SKAP1: variants seen among roughly 807,000 people sequenced by gnomAD.
SKAP1 encodes src kinase associated phosphoprotein 1.
A neutral mutation model predicts 58.5 loss-of-function variants in SKAP1; 44 were observed. The ratio of observed to expected loss-of-function variants is 0.75; its 90% CI spans 0.59 to 0.97. SKAP1 has a LOEUF of 0.97. SKAP1 is among the 50% of genes least tolerant of loss of function. The pLI is 0.00. For missense variants in SKAP1, 390 were observed against 435.2 expected (o/e 0.90, Z 0.92); for synonymous variants, 127 against 149.7 (o/e 0.85, Z 1.11).
intron 4 of SKAP1, among the ~76,000 whole-genome samples, chr17:48,231,047 T>C (rs1028882356): frequency 2.0e-5 from 3 of 152,116 alleles, no homozygotes; most frequent in African/African-American, 7.2e-5. Flanking sequence ...GGTTAAAGGA[T>C]AGATGCAGGC....
chr17:48,188,243 G>A (rs2064485545), intron 5 of SKAP1, among the ~76,000 whole-genome samples: 1 of 152,170 alleles, frequency 6.6e-6, no homozygotes, highest in South Asian at 2.1e-4. Flanking sequence ...ATATCTTTAT[G>A]TGTTGCCTTT....
At chr17:48,217,814 A>T (rs1366457380) in intron 4 of SKAP1, among the ~76,000 whole-genome samples, 3 of 152,316 alleles carry the variant, frequency 2.0e-5, no homozygotes, top group African/African-American at 7.2e-5. Flanking sequence ...TTGAGGTTTG[A>T]AAAAGGATGC....
chr17:48,221,613 A>G (rs1598439889), intron 4 of SKAP1, among the ~76,000 whole-genome samples: 1 of 152,228 alleles, frequency 6.6e-6, no homozygotes, highest in Admixed American at 6.5e-5. Context: ...CAAATGTTTT[A>G]TAAGGAGGTT....
intron 4 of SKAP1, among the ~76,000 whole-genome samples, chr17:48,297,643 A>G (rs1193895543): frequency 6.6e-6 from 1 of 152,234 alleles, no homozygotes; most frequent in East Asian, 1.9e-4. Context: ...TTCAAAAGAA[A>G]AAAAGCCATG....
rs764796909 is a variant in SKAP1 at position 48,187,892 on chromosome 17, T to A, written c.393A>T (p.Arg131=). ...AGAGACCTCTGCTGACAACACACCA[T>A]CGCTTCTGCCACTCCGATCCAAAGA... ...HSFFGSEWQK[R]WCVVSRGLFY... is the part of the protein sequence containing the mutation. Residue 131 remains arginine, a synonymous_variant, in exon 6 of 13, where the codon CGA becomes CGT. Transcript: ENST00000336915. The A allele has an allele frequency of 6.2e-7, 1 of 1,614,060 alleles. No individual in the cohort carries two copies. Among genetic ancestry groups the A allele is most frequent in the East Asian group, 2.2e-5 (1 of 44,882 alleles).
At chr17:48,423,368 C>T (rs1462239031) in intron 1 of SKAP1, among the ~76,000 whole-genome samples, 1 of 152,166 alleles carries the variant, frequency 6.6e-6, no homozygotes, top group East Asian at 1.9e-4. Flanking sequence ...GACCCCAGAA[C>T]TTCATGCCCA....
chr17:48,137,293 G>A lies in SKAP1; in HGVS notation c.1023C>T (p.Leu341=), dbSNP rs775791999. Residue 341 remains leucine, a synonymous_variant, in exon 12 of 13, where the codon CTC becomes CTT. Transcript: ENST00000336915. ...GATACTCCTTTGGAACAATCCCAAC[G>A]AGGCTGTTCAGTTCTCCCACCCACC... is the stretch of plus-strand genomic sequence containing the variant. ...YGWWVGELNS[L]VGIVPKEYLT... 3.7e-6 allele frequency: 6 copies of A among 1,613,660 alleles called. No homozygotes were observed. The highest frequency in any genetic ancestry group is 3.3e-5 in the Admixed American group (2 of 59,990).
intron 2 of SKAP1, among the ~76,000 whole-genome samples, chr17:48,395,124 C>A (rs2067399173): frequency 6.6e-6 from 1 of 152,178 alleles, no homozygotes; most frequent in Admixed American, 6.6e-5. Flanking sequence ...TATCCCATGA[C>A]AAATTCAGCT....
At chr17:48,413,470 T>C (rs2067690775) in intron 1 of SKAP1, among the ~76,000 whole-genome samples, 1 of 140,820 alleles carries the variant, frequency 7.1e-6, no homozygotes, top group Non-Finnish European at 1.5e-5. Flanking sequence ...GCCAAGATCG[T>C]GCCATTGCAC....
At position 48,246,289 on chromosome 17, in the gene SKAP1, C is replaced by G. The variant is rs16954320; in HGVS notation, c.281-56789G>C. Among the ~76,000 whole-genome samples, 1,483 of 152,310 alleles carry G rather than the reference C, an allele frequency of 9.7e-3. 127 individuals carry two copies. The East Asian group carries it at 0.21, about 22-fold the overall frequency. ...TTAGGCTGGTTTACCTTTACTGTCT[C>G]CTCTCATCATCCTCCTACAATTAAG... On this transcript the variant is annotated intron_variant, in intron 4 of 12. Transcript: ENST00000336915.
chr17:48,291,179 C>G (rs180831512), intron 4 of SKAP1, among the ~76,000 whole-genome samples: 1 of 152,258 alleles, frequency 6.6e-6, no homozygotes, highest in African/African-American at 2.4e-5. Flanking sequence ...ATTTCTCTAA[C>G]TTTGCAAGCA....
At chr17:48,301,806 G>C (rs2066061111) in intron 4 of SKAP1, among the ~76,000 whole-genome samples, 1 of 152,074 alleles carries the variant, frequency 6.6e-6, no homozygotes, top group South Asian at 2.1e-4. Context: ...CCTTCCTTAT[G>C]GTCCCCTGGC....
intron 4 of SKAP1, among the ~76,000 whole-genome samples, chr17:48,277,744 T>A (rs2065718106): frequency 6.6e-6 from 1 of 151,948 alleles, no homozygotes; most frequent in Admixed American, 6.6e-5. Flanking sequence ...AGGACTACAG[T>A]CTCATACCTC....
At chr17:48,195,939 AC>A (rs1375679282) in intron 4 of SKAP1, among the ~76,000 whole-genome samples, 2 of 152,226 alleles carry the variant, frequency 1.3e-5, no homozygotes, top group Admixed American at 6.5e-5. Context: ...GGTCAGTAGT[AC>A]AAAGAAAAAA....
intron 4 of SKAP1, among the ~76,000 whole-genome samples, chr17:48,255,028 G>A (rs912363298): frequency 1.8e-4 from 27 of 151,930 alleles, no homozygotes; most frequent in African/African-American, 6.3e-4. Flanking sequence ...TGAATCAGAA[G>A]CTCCTCCCCT....
the SKAP1 span, among the ~76,000 whole-genome samples, chr17:48,436,205 G>T: frequency 6.6e-6 from 1 of 151,998 alleles, no homozygotes; most frequent in Non-Finnish European, 1.5e-5. Flanking sequence ...TCTAGTAGCT[G>T]GGATTATAGG....
chr17:48,313,879 T>C (rs1044200572), intron 4 of SKAP1, among the ~76,000 whole-genome samples: 2 of 152,192 alleles, frequency 1.3e-5, no homozygotes, highest in African/African-American at 4.8e-5. Context: ...AGGTGGGGCA[T>C]GTCCGCTAAG....
At chr17:48,288,329 TTCA>T (rs1400374407) in intron 4 of SKAP1, among the ~76,000 whole-genome samples, 1 of 152,226 alleles carries the variant, frequency 6.6e-6, no homozygotes, top group Non-Finnish European at 1.5e-5. Context: ...TAAGCTATAA[TTCA>T]TCAAAAACAA....
chr17:48,367,545 T>TATATGGATATATATCCATATATATATAC (rs2067022326), intron 2 of SKAP1, among the ~76,000 whole-genome samples: 1 of 144,736 alleles, frequency 6.9e-6, no homozygotes, highest in Non-Finnish European at 1.5e-5. Context: ...TGTATATATA[T>TATATGGATATATATCCATATATATATAC]ATATGGATAT....
Sources: gnomAD v4.1 joint callset for allele counts (sites outside exome capture counted in the v4.1 genomes callset) on GRCh38, gnomAD v4.1.1 for gene constraint, MANE v1.5 for transcripts, NCBI Gene and HGNC (gene_info 2026-07-23, HGNC 2026-07-21) for gene names.